KLK9: variants seen among roughly 807,000 people sequenced by gnomAD.
The protein encoded by KLK9 is kallikrein-9.
Under a neutral mutation model 23.3 loss-of-function variants are expected in KLK9, and 26 were observed. The ratio of observed to expected loss-of-function variants is 1.12; its 90% CI spans 0.82 to 1.55. KLK9 has a LOEUF of 1.55. Among genes scored for constraint, KLK9 ranks in the 40% most tolerant of loss-of-function variants. KLK9 has a pLI of 0.00. For missense variants in KLK9, 346 were observed against 333.7 expected, an observed-to-expected ratio of 1.04 and a Z score of -0.29; for synonymous variants, 122 against 128.5, an observed-to-expected ratio of 0.95 and a Z score of 0.34.
In KLK9 at chr19:51,006,770, C is replaced by A. The variant is rs753604479; in HGVS notation, c.201-47G>T. 2 of 1,503,358 alleles carry A rather than the reference C, an allele frequency of 1.3e-6. No individual in the cohort carries two copies. The highest frequency in any genetic ancestry group is 1.8e-6 in the Non-Finnish European group (2 of 1,124,598). 93.1% of individuals were successfully genotyped at this position (1,503,358 alleles called of 1,614,324 possible). ...GTCAAGCTGGGGGAAAGGTAAAAGTCCTTTCAGCCCCAGCCCTCTTTTCCT... is the reference window on the plus strand; with the variant it reads ...GTCAAGCTGGGGGAAAGGTAAAAGTACTTTCAGCCCCAGCCCTCTTTTCCT... On this transcript the variant is annotated intron_variant, in intron 2 of 4. Coordinates refer to ENST00000594211, the MANE Select transcript of KLK9 (RefSeq NM_012315.2). This position sits in a 1 kb window ranked among gnomAD's most constrained non-coding sequence, Gnocchi z 4.1.
chr19:51,009,307 C>T lies in KLK9; in HGVS notation c.76G>A (p.Ala26Thr), dbSNP rs756411328. ...HGWADTRAIG[A>T]EECRPNSQPW... ...TGGGAGTTGGGGCGACATTCCTCGG[C>T]CCCGATGGCACGGGTGTCTGCCCAG... The change falls in exon 2 of 5, where the codon GCC (alanine) becomes ACC (threonine). Residue 26 changes from alanine to threonine, a missense_variant. Transcript: ENST00000594211. This position sits in a 1 kb window ranked among gnomAD's most constrained non-coding sequence, Gnocchi z 4.8. 7 of 1,594,680 alleles carry T rather than the reference C, an allele frequency of 4.4e-6. No homozygotes were observed. The South Asian group carries it at 5.7e-5, about 13-fold the overall frequency.
At chr19:51,005,953 T>A (rs796991028) in intron 3 of KLK9, among the ~76,000 whole-genome samples, 54 of 148,592 alleles carry the variant, frequency 3.6e-4, no homozygotes, top group African/African-American at 1.1e-3. Flanking sequence ...ATAATAATAA[T>A]AAATAATAAA....
rs1333439983 is a variant in KLK9, at chr19:51,006,257, T to C, written c.466+201A>G. On this transcript the variant is annotated intron_variant, in intron 3 of 4. Transcript: ENST00000594211. The surrounding 1 kb of genome is among the most constrained non-coding windows in gnomAD (Gnocchi z 4.1). Reference sequence around the variant, plus strand: ...CTTTTTTTCTTCTCCTCCTCCTCCTTCTTCCACTTCTTCGCAGTTCATGAA... The same window carrying C: ...CTTTTTTTCTTCTCCTCCTCCTCCTCCTTCCACTTCTTCGCAGTTCATGAA... Among the ~76,000 whole-genome samples, 1 of 151,910 alleles carries C rather than the reference T, an allele frequency of 6.6e-6. No homozygotes were observed. The highest frequency in any genetic ancestry group is 1.5e-5 in the Non-Finnish European group (1 of 67,936).
chr19:51,004,077 A>G (rs1172165213), intron 3 of KLK9, among the ~76,000 whole-genome samples: 1 of 152,112 alleles, frequency 6.6e-6, no homozygotes, highest in African/African-American at 2.4e-5. Context: ...ACCGTGGCTC[A>G]TGCCTGTAAT....
intron 3 of KLK9, among the ~76,000 whole-genome samples, chr19:51,005,972 C>T (rs1317922746): frequency 6.6e-6 from 1 of 150,724 alleles, no homozygotes; most frequent in Non-Finnish European, 1.5e-5. Flanking sequence ...AAAAAATGAC[C>T]CCGGTGTGGG....
chr19:51,007,640 G>A (rs2122366103), intron 2 of KLK9, among the ~76,000 whole-genome samples: 1 of 151,900 alleles, frequency 6.6e-6, no homozygotes, highest in South Asian at 2.1e-4. Context: ...CCAGTCTGAT[G>A]TATAGGCTTA....
intron 3 of KLK9, among the ~76,000 whole-genome samples, chr19:51,004,943 T>C (rs1417514278): frequency 6.6e-6 from 1 of 152,058 alleles, no homozygotes; most frequent in Non-Finnish European, 1.5e-5. Flanking sequence ...TAAACAGAAT[T>C]GGTAAACAGA....
chr19:51,003,444 G>T (rs2091243215), intron 4 of KLK9, among the ~76,000 whole-genome samples, 184 bp from the exon 5 acceptor site: 1 of 152,052 alleles, frequency 6.6e-6, no homozygotes. Context: ...CCTCCCCGCA[G>T]GACCTAACCT....
At chr19:51,003,300 C>T (rs2091242414) in intron 4 of KLK9, 40 bp from the exon 5 acceptor site, 1 of 1,573,226 alleles carries the variant, frequency 6.4e-7, no homozygotes, top group Non-Finnish European at 8.6e-7. Flanking sequence ...TTAGGCCACT[C>T]TGTTCATGAC....
chr19:51,003,020 G>C lies in KLK9; in HGVS notation c.*91C>G. ...CAGGGCAGCTGGAGGTCCAGGGCGG[G>C]AACCATTGAGGCTGGGACCCTACGA... On this transcript the variant is annotated 3_prime_UTR_variant, in exon 5 of 5. Transcript: ENST00000594211. The C allele has an allele frequency of 6.9e-7, 1 of 1,448,012 alleles. No individual in the cohort carries two copies. Among genetic ancestry groups the C allele is most frequent in the South Asian group, 1.4e-5 (1 of 71,436 alleles). 89.7% of individuals were successfully genotyped at this position (1,448,012 alleles called of 1,614,324 possible).
chr19:51,003,629 G>T, intron 4 of KLK9, 75 bp downstream of exon 4: 1 of 1,321,782 alleles, frequency 7.6e-7, no homozygotes, highest in Non-Finnish European at 1.1e-6. Flanking sequence ...GAAGGCTGGG[G>T]GCCGACCCCT....
Position 51,003,779 on chromosome 19 carries a change from G to A in KLK9, c.528C>T (p.His176=), listed in dbSNP as rs1239865981. Residue 176 remains histidine, a synonymous_variant, in exon 4 of 5, where the codon CAC becomes CAT. Transcript: ENST00000594211. ...CCGAGATGTGTCCAGGGTATGCCCA[G>A]TGACAGAGTTTGTTCTCCAGGATGC... ...NISILENKLC[H]WAYPGHISDS... is the part of the protein sequence containing the mutation. 3 of 1,613,416 alleles carry A rather than the reference G, an allele frequency of 1.9e-6. No individual in the cohort carries two copies. The highest frequency in any genetic ancestry group is 3.3e-5 in the Admixed American group (2 of 60,016).
chr19:51,006,630 G>A lies in KLK9; in HGVS notation c.294C>T (p.Gly98=), dbSNP rs2122363088. ...FRVTDFFPHP[G]FNKDLSANDH... is the part of the protein sequence containing the mutation. ...CATTGGCGCTGAGGTCCTTGTTGAA[G>A]CCAGGGTGGGGGAAGAAGTCCGTAA... The change falls in exon 3 of 5, where the codon GGC becomes GGT. Residue 98 remains glycine (G), a synonymous_variant. Transcript: ENST00000594211. This position sits in a 1 kb window ranked among gnomAD's most constrained non-coding sequence, Gnocchi z 4.1. 1 of 1,613,232 alleles carries A rather than the reference G, an allele frequency of 6.2e-7. No individual in the cohort carries two copies. Among genetic ancestry groups the A allele is most frequent in the Non-Finnish European group, 8.5e-7 (1 of 1,179,442 alleles).
rs577874335 is a variant in KLK9 at position 51,008,167 on chromosome 19, T to TAAA, written c.200+1013_200+1015dup. On this transcript the variant is annotated intron_variant, in intron 2 of 4. Transcript: ENST00000594211. ...AATATGGTGAAACCCCCGTCTCTAC[T>TAAA]AAAAAAAAAAAAAAAAAAAAAATAG... is the stretch of plus-strand genomic sequence containing the variant. Among the ~76,000 whole-genome samples, 603 of 95,878 alleles carry TAAA rather than the reference T, an allele frequency of 6.3e-3. 10 individuals carry two copies. The highest frequency in any genetic ancestry group is 0.023 in the African/African-American group (561 of 24,286). The allele number at this position is 95,878 out of a possible 152,430, so 62.9% of individuals were successfully genotyped here. A position where few individuals can be genotyped will look rare whatever the true frequency, so the allele number is the denominator to read the frequency against.
chr19:51,009,476 T>C lies in KLK9; in HGVS notation c.43+29A>G, dbSNP rs757757976. ...GAGCAAGGTGACCTTAGTACAGCCG[T>C]GAAGGGGCAGCCAGCCTGGGAGCCT... On this transcript the variant is annotated intron_variant, in intron 1 of 4. Coordinates refer to ENST00000594211, the MANE Select transcript of KLK9 (RefSeq NM_012315.2). The surrounding 1 kb of genome is among the most constrained non-coding windows in gnomAD (Gnocchi z 4.8). 1 of 1,598,980 alleles carries C rather than the reference T, an allele frequency of 6.3e-7. No homozygotes were observed. The highest frequency in any genetic ancestry group is 1.3e-5 in the African/African-American group (1 of 74,418).
rs769326128 is a variant in KLK9, at chr19:51,006,611, C to T, written c.313G>A (p.Ala105Thr). Residue 105 changes from alanine (A) to threonine (T), a missense_variant, in exon 3 of 5, where the codon GCC becomes ACC. Physicochemically the swap from Ala to Thr is moderately conservative, Grantham distance 58. Transcript: ENST00000594211. The surrounding 1 kb of genome is among the most constrained non-coding windows in gnomAD (Gnocchi z 4.1). ...ATGATGTCATCATTGTGGTCATTGG[C>T]GCTGAGGTCCTTGTTGAAGCCAGGG... is the stretch of plus-strand genomic sequence containing the variant. Reference protein sequence around the residue: ...PHPGFNKDLSANDHNDDIMLI... With the variant: ...PHPGFNKDLSTNDHNDDIMLI... 12 of 1,613,128 alleles carry T rather than the reference C, an allele frequency of 7.4e-6. No homozygotes were observed. Among genetic ancestry groups the T allele is most frequent in the Admixed American group, 3.3e-5 (2 of 59,944 alleles).
Position 51,003,036 on chromosome 19 carries a change from G to T in KLK9, c.*75C>A. 1 of 1,509,546 alleles carries T rather than the reference G, an allele frequency of 6.6e-7. No homozygotes were observed. Among genetic ancestry groups the T allele is most frequent in the Non-Finnish European group, 8.9e-7 (1 of 1,121,370 alleles). 93.5% of individuals were successfully genotyped at this position (1,509,546 alleles called of 1,614,324 possible). A position where few individuals can be genotyped will look rare whatever the true frequency, so the allele number is the denominator to read the frequency against. On this transcript the variant is annotated 3_prime_UTR_variant, in exon 5 of 5. Coordinates refer to ENST00000594211, the MANE Select transcript of KLK9 (RefSeq NM_012315.2). ...CCAGGGCGGGAACCATTGAGGCTGG[G>T]ACCCTACGAGAACCCCCTACCCCGT...
rs755325343 is a variant in KLK9 at position 51,009,138 on chromosome 19, C to G, written c.200+45G>C. 2.5e-6 allele frequency: 4 copies of G among 1,576,842 alleles called. No individual in the cohort carries two copies. In the South Asian group the frequency reaches 4.6e-5, roughly 18 times the overall value. ...AAGCACCCCTCACCCTCTCCTGACCCCCAGCCTCTGTCCCTCCCCAGCATG... is the reference window on the plus strand; with the variant it reads ...AAGCACCCCTCACCCTCTCCTGACCGCCAGCCTCTGTCCCTCCCCAGCATG... On this transcript the variant is annotated intron_variant, in intron 2 of 4. Transcript: ENST00000594211. The surrounding 1 kb of genome is among the most constrained non-coding windows in gnomAD (Gnocchi z 4.8).
chr19:51,006,738 C>T lies in KLK9; in HGVS notation c.201-15G>A. ...CCCACAGATACCTGCTGGGACAGGC[C>T]TCAGAGGTCAAGCTGGGGGAAAGGT... On this transcript the variant is annotated splice_polypyrimidine_tract_variant and intron_variant, in intron 2 of 4. Coordinates refer to ENST00000594211, the MANE Select transcript of KLK9 (RefSeq NM_012315.2). This position sits in a 1 kb window ranked among gnomAD's most constrained non-coding sequence, Gnocchi z 4.1. 6.4e-7 allele frequency: 1 copy of T among 1,551,982 alleles called. No individual in the cohort carries two copies. Among genetic ancestry groups the T allele is most frequent in the Non-Finnish European group, 8.7e-7 (1 of 1,147,738 alleles).
Sources: allele counts gnomAD v4.1 joint callset (sites outside exome capture counted in the v4.1 genomes callset), GRCh38; gene constraint gnomAD v4.1.1; non-coding constraint Gnocchi (gnomAD v3.1); transcripts MANE v1.5; gene names NCBI Gene and HGNC (gene_info 2026-07-23, HGNC 2026-07-21).